The following LDLRAD4 variants were observed in gnomAD, a reference collection of about 807,000 sequenced individuals.
The protein encoded by LDLRAD4 is low density lipoprotein receptor class A domain containing 4, also known as low-density lipoprotein receptor class A domain-containing protein 4.
In LDLRAD4, 5 loss-of-function variants were observed where a neutral mutation model predicts 17.0. The observed-to-expected ratio is 0.29, with a 90% CI of 0.15 to 0.62. LDLRAD4 has a LOEUF of 0.62. Ranked by LOEUF, LDLRAD4 falls within the 20% of genes least tolerant of loss-of-function variation. LDLRAD4 has a pLI of 0.84. For missense variants in LDLRAD4, 340 were observed against 424.7 expected, an observed-to-expected ratio of 0.80 and a Z score of 1.75; for synonymous variants, 168 against 171.8, an observed-to-expected ratio of 0.98 and a Z score of 0.17.
chr18:13,378,013 A>G (rs997135426), intron 1 of LDLRAD4, among the ~76,000 whole-genome samples: 19 of 152,222 alleles, frequency 1.2e-4, no homozygotes, highest in African/African-American at 4.1e-4. Context: ...GTGCTTCATG[A>G]AAGCTCAGCT....
At chr18:13,567,168 G>A (rs2148293536) in intron 3 of LDLRAD4, among the ~76,000 whole-genome samples, 1 of 152,286 alleles carries the variant, frequency 6.6e-6, no homozygotes, top group East Asian at 1.9e-4. Flanking sequence ...CTGCCTCCCA[G>A]CTTCACTAGT....
intron 2 of LDLRAD4, among the ~76,000 whole-genome samples, chr18:13,421,512 C>T (rs1281099584): frequency 1.3e-5 from 2 of 152,070 alleles, no homozygotes; most frequent in East Asian, 3.9e-4. Context: ...AGAGCCCTGG[C>T]GGCTGCTGCA....
chr18:13,233,592 G>A (rs752270161), intron 1 of LDLRAD4, among the ~76,000 whole-genome samples: 1 of 152,144 alleles, frequency 6.6e-6, no homozygotes, highest in Non-Finnish European at 1.5e-5. Flanking sequence ...CTCCCTGGGT[G>A]ATGCAGCCTG....
chr18:13,454,687 C>A (rs1387823722), intron 3 of LDLRAD4, among the ~76,000 whole-genome samples: 1 of 152,212 alleles, frequency 6.6e-6, no homozygotes, highest in Non-Finnish European at 1.5e-5. Flanking sequence ...GGATGGCCAT[C>A]CACCTGAGCC....
chr18:13,266,129 T>A (rs188585277), intron 1 of LDLRAD4, among the ~76,000 whole-genome samples: 112 of 152,346 alleles, frequency 7.4e-4, no homozygotes, highest in African/African-American at 2.6e-3. Context: ...GCGGGCTCCT[T>A]GACACGGTTG....
intron 1 of LDLRAD4, among the ~76,000 whole-genome samples, chr18:13,382,146 A>G (rs1466252984): frequency 1.3e-5 from 2 of 152,242 alleles, no homozygotes; most frequent in African/African-American, 2.4e-5. Context: ...TGCAGCGTCA[A>G]TTCTTTATGC....
chr18:13,481,482 A>T lies in LDLRAD4; in HGVS notation c.181+43098A>T, dbSNP rs115870295. On this transcript the variant is annotated intron_variant, in intron 3 of 5. Coordinates refer to ENST00000359446, the Ensembl canonical transcript of LDLRAD4. ...CATGATTTCTGAGGCATGTGCTGTG[A>T]CACGGTTGTGCATGGCCCCGTCTGC... is the stretch of plus-strand genomic sequence containing the variant. Among the ~76,000 whole-genome samples the T allele has an allele frequency of 3.6e-3, 549 of 152,252 alleles. 3 individuals are homozygous for T. The highest frequency in any genetic ancestry group is 0.012 in the African/African-American group (500 of 41,528).
At chr18:13,293,662 T>C (rs1469110417) in intron 1 of LDLRAD4, among the ~76,000 whole-genome samples, 2 of 152,224 alleles carry the variant, frequency 1.3e-5, no homozygotes, top group African/African-American at 4.8e-5. Flanking sequence ...ACTTTTCTCT[T>C]TTACAAAGTC....
intron 3 of LDLRAD4, chr18:13,611,413 GATTT>G (rs1025680860): frequency 1.6e-4 from 155 of 982,556 alleles, no homozygotes; most frequent in Non-Finnish European, 1.8e-4. Flanking sequence ...GCCACCCCGT[GATTT>G]TCTCTGAAAA....
At chr18:13,461,151 G>A (rs1420565569) in intron 3 of LDLRAD4, 1 of 152,360 alleles carries the variant, frequency 6.6e-6, no homozygotes, top group African/African-American at 2.4e-5. Flanking sequence ...CCTGCTCACA[G>A]AAGGTGCCCC....
At chr18:13,319,244 A>G (rs532517108) in intron 1 of LDLRAD4, among the ~76,000 whole-genome samples, 2 of 152,312 alleles carry the variant, frequency 1.3e-5, no homozygotes, top group South Asian at 2.1e-4. Flanking sequence ...GTAATGAACA[A>G]CACCCCTCTG....
At chr18:13,573,140 T>C (rs749919793) in intron 3 of LDLRAD4, among the ~76,000 whole-genome samples, 9 of 152,350 alleles carry the variant, frequency 5.9e-5, no homozygotes, top group Non-Finnish European at 1.2e-4. Context: ...AGTCTCGCTC[T>C]GTTGCCCAGG....
chr18:13,324,233 G>A (rs2081397949), intron 1 of LDLRAD4, among the ~76,000 whole-genome samples: 4 of 150,778 alleles, frequency 2.7e-5, no homozygotes, highest in Non-Finnish European at 1.5e-5. Flanking sequence ...CGCCTCCCGG[G>A]TTCACACCAT....
At chr18:13,386,589 C>T (rs370904671) in intron 1 of LDLRAD4, among the ~76,000 whole-genome samples, 15 of 152,214 alleles carry the variant, frequency 9.9e-5, no homozygotes, top group Admixed American at 3.9e-4. Flanking sequence ...AGGCTGATCT[C>T]GAACTCCTGA....
chr18:13,615,438 A>C (rs1302515091), intron 3 of LDLRAD4: 1 of 152,242 alleles, frequency 6.6e-6, no homozygotes, highest in Non-Finnish European at 1.5e-5. Context: ...AATGAGTGTT[A>C]TATTAGGAGC....
chr18:13,549,165 T>C (rs2094405006), intron 3 of LDLRAD4, among the ~76,000 whole-genome samples: 1 of 152,168 alleles, frequency 6.6e-6, no homozygotes, highest in Non-Finnish European at 1.5e-5. Context: ...AGAAAAGCTG[T>C]GTAAAGATGA....
At chr18:13,309,806 G>C (rs1452651946) in intron 1 of LDLRAD4, among the ~76,000 whole-genome samples, 1 of 152,168 alleles carries the variant, frequency 6.6e-6, no homozygotes, top group Non-Finnish European at 1.5e-5. Context: ...AAGACTCACA[G>C]ACACTGGGTG....
chr18:13,296,795 T>A lies in LDLRAD4; in HGVS notation c.-383+18607T>A, dbSNP rs539826131. Reference sequence around the variant, plus strand: ...TGCCACTATTTTCACACAACCACATTTTCCTTTGTGTGCATTTCTTTTCAG... The same window carrying A: ...TGCCACTATTTTCACACAACCACATATTCCTTTGTGTGCATTTCTTTTCAG... On this transcript the variant is annotated intron_variant, in intron 1 of 5. Transcript: ENST00000359446. Among the ~76,000 whole-genome samples the A allele has an allele frequency of 2.6e-5, 4 of 152,276 alleles. No homozygotes were observed. In the South Asian group the frequency reaches 8.3e-4, roughly 32 times the overall value.
At chr18:13,578,233 A>G (rs1045372923) in intron 3 of LDLRAD4, among the ~76,000 whole-genome samples, 2 of 152,224 alleles carry the variant, frequency 1.3e-5, no homozygotes, top group Non-Finnish European at 2.9e-5. Context: ...CAAACTCAGT[A>G]AGTGCTTTTT....
Sources: allele counts gnomAD v4.1 joint callset (sites outside exome capture counted in the v4.1 genomes callset), GRCh38; gene constraint gnomAD v4.1.1; transcripts MANE v1.5; gene names NCBI Gene and HGNC (gene_info 2026-07-23, HGNC 2026-07-21).